The following PVT1 variants were observed in gnomAD, a reference collection of about 807,000 sequenced individuals.
PVT1 encodes the protein CXCR4/PVT1 fusion.
intron 2 of PVT1, among the ~76,000 whole-genome samples, chr8:127,837,507 G>C (rs1459205875): frequency 1.3e-5 from 2 of 151,064 alleles, no homozygotes; most frequent in East Asian, 3.9e-4. Flanking sequence ...TTGATTTATT[G>C]TTTTTCGGAG....
intron 4 of PVT1, among the ~76,000 whole-genome samples, chr8:128,007,852 C>T (rs1817265398): frequency 6.6e-6 from 1 of 152,200 alleles, no homozygotes; most frequent in Non-Finnish European, 1.5e-5. Context: ...GGACACCCAC[C>T]TAATTTTCAC....
chr8:127,958,065 G>A (rs1437767642), intron 3 of PVT1, among the ~76,000 whole-genome samples: 1 of 152,218 alleles, frequency 6.6e-6, no homozygotes, highest in African/African-American at 2.4e-5. Context: ...GAGGTGAAGG[G>A]AACACGGGCG....
chr8:127,819,107 G>A (rs971543760), intron 2 of PVT1, among the ~76,000 whole-genome samples: 3 of 152,164 alleles, frequency 2.0e-5, no homozygotes, highest in South Asian at 2.1e-4. Flanking sequence ...TGCGAGCCCC[G>A]GGGTAGGCAC....
At chr8:127,836,650 TAA>T (rs1360844617) in intron 2 of PVT1, among the ~76,000 whole-genome samples, 1 of 152,162 alleles carries the variant, frequency 6.6e-6, no homozygotes, top group African/African-American at 2.4e-5. Flanking sequence ...AATAAGAACG[TAA>T]AAGAGTGCTT....
chr8:127,810,856 C>G (rs1284171038), intron 2 of PVT1, among the ~76,000 whole-genome samples: 2 of 152,124 alleles, frequency 1.3e-5, no homozygotes, highest in African/African-American at 4.8e-5. Context: ...AGGAAGCATT[C>G]CCTCATCTCC....
At chr8:127,946,263 C>T (rs193067611) in intron 3 of PVT1, among the ~76,000 whole-genome samples, 17 of 152,338 alleles carry the variant, frequency 1.1e-4, no homozygotes, top group Non-Finnish European at 2.4e-4. Flanking sequence ...ATATCAGACA[C>T]TCTTAGGTGC....
At chr8:128,021,455 G>C (rs992805897) in intron 4 of PVT1, among the ~76,000 whole-genome samples, 1 of 151,836 alleles carries the variant, frequency 6.6e-6, no homozygotes, top group African/African-American at 2.4e-5. Flanking sequence ...CACCATGCCC[G>C]GTTAATTTTT....
chr8:127,904,414 C>G (rs894890778), intron 3 of PVT1, among the ~76,000 whole-genome samples: 14 of 152,242 alleles, frequency 9.2e-5, no homozygotes, highest in Admixed American at 4.6e-4. Flanking sequence ...CTTTCAGACC[C>G]CTAAATGATG....
chr8:127,797,915 C>T (rs1225910051), intron 2 of PVT1, among the ~76,000 whole-genome samples: 1 of 152,188 alleles, frequency 6.6e-6, no homozygotes, highest in Non-Finnish European at 1.5e-5. Context: ...CCTCCCAGGT[C>T]ACACAGCTTG....
At chr8:127,947,892 A>T (rs540992242) in intron 3 of PVT1, 11 of 456,686 alleles carry the variant, frequency 2.4e-5, no homozygotes, top group Non-Finnish European at 4.4e-5. Flanking sequence ...AATTAGGCAG[A>T]CAGACAATAT....
intron 3 of PVT1, among the ~76,000 whole-genome samples, chr8:127,929,925 C>T (rs1005501005): frequency 1.3e-5 from 2 of 152,176 alleles, no homozygotes; most frequent in Non-Finnish European, 2.9e-5. Flanking sequence ...ATGTTAGTTA[C>T]GTATCTGTGT....
chr8:127,972,592 A>G (rs1006059603), intron 3 of PVT1, among the ~76,000 whole-genome samples: 5 of 152,120 alleles, frequency 3.3e-5, no homozygotes, highest in African/African-American at 1.2e-4. Context: ...ACAAAATATT[A>G]GCTGGGTGTG....
At chr8:127,855,185 A>G in intron 2 of PVT1, 1 of 398,646 alleles carries the variant, frequency 2.5e-6, no homozygotes, top group Non-Finnish European at 4.4e-6. Flanking sequence ...CAGGAAGCCA[A>G]CTATTAAGGG....
intron 2 of PVT1, among the ~76,000 whole-genome samples, chr8:127,831,493 G>T (rs529614925): frequency 6.6e-6 from 1 of 152,170 alleles, no homozygotes; most frequent in Non-Finnish European, 1.5e-5. Flanking sequence ...TCTGGGAATT[G>T]AGACCATCAT....
At chr8:128,021,588 C>G (rs548687291) in intron 4 of PVT1, among the ~76,000 whole-genome samples, 1 of 152,150 alleles carries the variant, frequency 6.6e-6, no homozygotes, top group African/African-American at 2.4e-5. Flanking sequence ...CAACCGCGCC[C>G]GGCCTGTCTG....
At chr8:127,999,198 G>C (rs1817146314) in intron 4 of PVT1, 1 of 152,168 alleles carries the variant, frequency 6.6e-6, no homozygotes, top group Non-Finnish European at 1.5e-5. Context: ...CTTATCCATT[G>C]CACTCCCGAT....
At chr8:127,802,789 G>C (rs745408824) in intron 2 of PVT1, among the ~76,000 whole-genome samples, 1 of 152,156 alleles carries the variant, frequency 6.6e-6, no homozygotes, top group Non-Finnish European at 1.5e-5. Context: ...GAAGTTTCCA[G>C]TGTGGGAGGG....
At chr8:127,941,713 A>T (rs1014472491) in intron 3 of PVT1, among the ~76,000 whole-genome samples, 9 of 152,228 alleles carry the variant, frequency 5.9e-5, no homozygotes, top group Non-Finnish European at 1.3e-4. Context: ...CACCGTGATC[A>T]TCATGCCTTT....
At chr8:128,038,417 A>G (rs1377185067) in intron 4 of PVT1, among the ~76,000 whole-genome samples, 1 of 152,172 alleles carries the variant, frequency 6.6e-6, no homozygotes, top group Non-Finnish European at 1.5e-5. Context: ...GCAGATGCAG[A>G]CATGGTACTA....
Sources: allele counts gnomAD v4.1 joint callset (sites outside exome capture counted in the v4.1 genomes callset), GRCh38; gene constraint gnomAD v4.1.1; transcripts MANE v1.5; gene names NCBI Gene and HGNC (gene_info 2026-07-23, HGNC 2026-07-21).